UMAD1: variants seen among roughly 807,000 people sequenced by gnomAD.
The protein encoded by UMAD1 is UBAP1-MVB12-associated (UMA) domain containing 1, also known as UBAP1-MVB12-associated (UMA)-domain containing protein 1.
In UMAD1, 8 loss-of-function variants were observed where a neutral mutation model predicts 6.1. The observed-to-expected ratio is 1.30, with a 90% CI of 0.76 to 2.35. The LOEUF (loss-of-function observed/expected upper bound fraction) is 2.35. UMAD1 is among the 30% of genes most tolerant of loss of function. The probability of loss-of-function intolerance (pLI) is 0.00; values close to 1 mark genes in which losing one functional copy is unlikely to be tolerated. For missense variants in UMAD1, 130 were observed against 78.4 expected (o/e 1.66, Z -2.49); for synonymous variants, 56 against 31.4 (o/e 1.78, Z -2.61).
At chr7:7,644,388 T>C (rs1785049134) in intron 1 of UMAD1, among the ~76,000 whole-genome samples, 1 of 151,370 alleles carries the variant, frequency 6.6e-6, no homozygotes, top group Non-Finnish European at 1.5e-5. Flanking sequence ...CCTCTTTTAA[T>C]ATAGTTAAAC....
intron 3 of UMAD1, among the ~76,000 whole-genome samples, chr7:7,811,777 A>G (rs1053419696): frequency 6.6e-6 from 1 of 152,216 alleles, no homozygotes; most frequent in African/African-American, 2.4e-5. Flanking sequence ...GGAAAATTCA[A>G]TGGTCCTTGC....
At chr7:7,688,997 G>T (rs1583738703) in intron 2 of UMAD1, among the ~76,000 whole-genome samples, 1 of 152,092 alleles carries the variant, frequency 6.6e-6, no homozygotes, top group Non-Finnish European at 1.5e-5. Context: ...AAATTAGTAA[G>T]CATTCAGACT....
chr7:7,810,397 A>T (rs932700095), intron 3 of UMAD1, among the ~76,000 whole-genome samples: 5 of 152,148 alleles, frequency 3.3e-5, no homozygotes, highest in Admixed American at 6.5e-5. Flanking sequence ...CACAAGTTGT[A>T]TGCTAAAAAA....
chr7:7,654,505 C>T (rs1472513798), intron 1 of UMAD1, among the ~76,000 whole-genome samples: 1 of 152,210 alleles, frequency 6.6e-6, no homozygotes, highest in Non-Finnish European at 1.5e-5. Context: ...TGCTCAAGTG[C>T]CTTTTATTAA....
intron 2 of UMAD1, among the ~76,000 whole-genome samples, chr7:7,757,597 A>G (rs565738570): frequency 8.5e-5 from 13 of 152,306 alleles, no homozygotes; most frequent in Middle Eastern, 3.4e-3. Context: ...GTTTACAGAT[A>G]TTTGGTCATT....
chr7:7,805,940 A>G lies in UMAD1; in HGVS notation c.156+4197A>G, dbSNP rs560969387. Among the ~76,000 whole-genome samples, 17 of 152,314 alleles carry G rather than the reference A, an allele frequency of 1.1e-4. 2 individuals carry two copies. The South Asian group carries it at 3.5e-3, about 32-fold the overall frequency. On this transcript the variant is annotated intron_variant, in intron 3 of 3. Transcript: ENST00000682710. ...TCTGCTTCTCCTGACTAGAATGAAA[A>G]CAAACTTTGTATGTCTAGAATAGTG...
At chr7:7,673,237 A>T in intron 1 of UMAD1, 72 bp from the exon 2 acceptor site, 1 of 915,830 alleles carries the variant, frequency 1.1e-6, no homozygotes, top group Admixed American at 2.0e-5. Flanking sequence ...GTTATGCTGA[A>T]CTTTTTGCTA....
At chr7:7,792,811 G>T (rs1782594182) in intron 2 of UMAD1, among the ~76,000 whole-genome samples, 2 of 152,184 alleles carry the variant, frequency 1.3e-5, no homozygotes, top group Non-Finnish European at 2.9e-5. Flanking sequence ...GATGCTGGCA[G>T]GTTTGGAGTC....
At chr7:7,840,783 T>A (rs1563250446) in intron 3 of UMAD1, among the ~76,000 whole-genome samples, 1 of 152,220 alleles carries the variant, frequency 6.6e-6, no homozygotes, top group Non-Finnish European at 1.5e-5. Context: ...AGCACTAGTT[T>A]TAGATGATCA....
chr7:7,806,165 A>G (rs1289035734), intron 3 of UMAD1, among the ~76,000 whole-genome samples: 1 of 152,056 alleles, frequency 6.6e-6, no homozygotes, highest in African/African-American at 2.4e-5. Context: ...TACACCAACT[A>G]GGTCCTCATC....
intron 3 of UMAD1, among the ~76,000 whole-genome samples, chr7:7,813,008 T>TA (rs1168619490): frequency 6.6e-6 from 1 of 152,200 alleles, no homozygotes; most frequent in African/African-American, 2.4e-5. Flanking sequence ...AAGTAACATG[T>TA]AGGTATGCAC....
chr7:7,708,482 T>C (rs902673328), intron 2 of UMAD1, among the ~76,000 whole-genome samples: 1 of 152,202 alleles, frequency 6.6e-6, no homozygotes, highest in Non-Finnish European at 1.5e-5. Context: ...CCATTTTGGA[T>C]ATAAGGGGAT....
At chr7:7,771,570 C>G (rs1782102742) in intron 2 of UMAD1, among the ~76,000 whole-genome samples, 1 of 152,162 alleles carries the variant, frequency 6.6e-6, no homozygotes, top group Non-Finnish European at 1.5e-5. Flanking sequence ...TACTTTAAAT[C>G]TCCATAATGT....
In UMAD1 at chr7:7,859,381, TC is replaced by T. The variant is rs1424552926; in HGVS notation, c.157-17899del. ...TCAAGAACAGTGTGAAGTTAGGTATTCTTCCATTATATGAGTCCTTCACATA... is the reference window on the plus strand; with the variant it reads ...TCAAGAACAGTGTGAAGTTAGGTATTTTCCATTATATGAGTCCTTCACATA... On this transcript the variant is annotated intron_variant, in intron 3 of 3. Coordinates refer to ENST00000682710, the MANE Select transcript of UMAD1 (RefSeq NM_001302348.2). Among the ~76,000 whole-genome samples the T allele has an allele frequency of 2.6e-5, 4 of 152,250 alleles. No homozygotes were observed. The South Asian group carries it at 8.3e-4, about 31-fold the overall frequency.
chr7:7,691,221 C>T (rs1057406419), intron 2 of UMAD1, among the ~76,000 whole-genome samples: 9 of 152,200 alleles, frequency 5.9e-5, no homozygotes, highest in African/African-American at 2.2e-4. Flanking sequence ...CATTAATTTT[C>T]AAGCAAGTAT....
intron 3 of UMAD1, among the ~76,000 whole-genome samples, chr7:7,807,052 G>A (rs1782930366): frequency 1.3e-5 from 2 of 152,174 alleles, no homozygotes; most frequent in Admixed American, 6.5e-5. Context: ...GTGGTAGGGA[G>A]GATACAAAGA....
chr7:7,808,701 G>T (rs1301195186), intron 3 of UMAD1, among the ~76,000 whole-genome samples: 1 of 151,712 alleles, frequency 6.6e-6, no homozygotes, highest in Non-Finnish European at 1.5e-5. Context: ...AAGACTGAGG[G>T]ATATTTTTAT....
At chr7:7,693,330 T>TCTATCTAG (rs1780225104) in intron 2 of UMAD1, among the ~76,000 whole-genome samples, 2 of 151,218 alleles carry the variant, frequency 1.3e-5, no homozygotes, top group Admixed American at 1.3e-4. Flanking sequence ...TATCTATCTA[T>TCTATCTAG]CTATCTACAT....
chr7:7,662,644 C>A (rs62452515), intron 1 of UMAD1, among the ~76,000 whole-genome samples: 11,685 of 152,226 alleles, frequency 0.077, 476 homozygotes, highest in Middle Eastern at 0.13. Context: ...TTGGGCTGCA[C>A]CCACTGTCTA....
Sources: gnomAD v4.1 joint callset for allele counts (sites outside exome capture counted in the v4.1 genomes callset) on GRCh38, gnomAD v4.1.1 for gene constraint, MANE v1.5 for transcripts, NCBI Gene and HGNC (gene_info 2026-07-23, HGNC 2026-07-21) for gene names.